Variants in KIAA1217 observed in about 807,000 individuals in gnomAD.
KIAA1217 encodes KIAA1217.
In KIAA1217, 88 loss-of-function variants were observed where a neutral mutation model predicts 163.9. That is an observed-to-expected ratio of 0.54 (90% CI 0.45 to 0.64). The LOEUF is 0.64. Among genes scored for constraint, KIAA1217 ranks in the 30% least tolerant of loss-of-function variants. The probability of loss-of-function intolerance (pLI) is 0.00; values close to 1 mark genes in which losing one functional copy is unlikely to be tolerated. For missense variants in KIAA1217, 2,372 were observed against 2,475.0 expected, an observed-to-expected ratio of 0.96 and a Z score of 0.88; for synonymous variants, 903 against 923.1, an observed-to-expected ratio of 0.98 and a Z score of 0.39.
chr10:24,110,365 A>T (rs1210797748), intron 2 of KIAA1217, among the ~76,000 whole-genome samples: 1 of 152,158 alleles, frequency 6.6e-6, no homozygotes, highest in Non-Finnish European at 1.5e-5. Flanking sequence ...AAAAATGCAG[A>T]TTCATTTTTC....
intron 6 of KIAA1217, among the ~76,000 whole-genome samples, chr10:24,475,773 T>C (rs1331009269): frequency 6.6e-6 from 1 of 152,162 alleles, no homozygotes; most frequent in Non-Finnish European, 1.5e-5. Context: ...CAATGTGACA[T>C]CTGGAGAGGA....
chr10:24,493,807 G>T (rs1447714275), intron 6 of KIAA1217, among the ~76,000 whole-genome samples: 2 of 152,078 alleles, frequency 1.3e-5, no homozygotes, highest in Non-Finnish European at 2.9e-5. Context: ...TCACTCTTTT[G>T]CCCAGTCTGT....
chr10:24,449,693 AG>A (rs1031192951), intron 5 of KIAA1217: 7 of 985,306 alleles, frequency 7.1e-6, no homozygotes, highest in Non-Finnish European at 8.4e-6. Flanking sequence ...CATTGGAGAG[AG>A]GGGTGGTTTC....
chr10:23,969,177 G>A (rs1342292509), intron 1 of KIAA1217, among the ~76,000 whole-genome samples: 1 of 152,138 alleles, frequency 6.6e-6, no homozygotes. Flanking sequence ...TGGGATTACA[G>A]GCACGCGCCA....
At chr10:23,727,434 C>T (rs991939139) in intron 1 of KIAA1217, among the ~76,000 whole-genome samples, 2 of 151,860 alleles carry the variant, frequency 1.3e-5, no homozygotes, top group African/African-American at 4.8e-5. Context: ...GTGGTGCACA[C>T]CTATAATCCC....
At chr10:24,106,036 ATGGGATTTTGTGCAGC>A (rs2062614672) in intron 2 of KIAA1217, among the ~76,000 whole-genome samples, 1 of 152,164 alleles carries the variant, frequency 6.6e-6, no homozygotes, top group Admixed American at 6.5e-5. Context: ...TTGTGATGGA[ATGGGATTTTGTGCAGC>A]TGGGATTTTG....
At chr10:24,104,717 T>G (rs1239831781) in intron 2 of KIAA1217, among the ~76,000 whole-genome samples, 1 of 152,200 alleles carries the variant, frequency 6.6e-6, no homozygotes, top group Non-Finnish European at 1.5e-5. Flanking sequence ...CCACTGTGAT[T>G]CAGATATTGA....
chr10:24,070,668 C>A (rs1285968760), intron 2 of KIAA1217, among the ~76,000 whole-genome samples: 1 of 152,114 alleles, frequency 6.6e-6, no homozygotes, highest in East Asian at 1.9e-4. Flanking sequence ...ATAGTTGTAA[C>A]CTATTTTCCC....
chr10:24,079,726 T>G (rs534443917), intron 2 of KIAA1217, among the ~76,000 whole-genome samples: 1 of 152,214 alleles, frequency 6.6e-6, no homozygotes, highest in South Asian at 2.1e-4. Context: ...TGTGATAACT[T>G]TTGGGATGAT....
chr10:24,338,993 A>G (rs2046734022), intron 2 of KIAA1217, among the ~76,000 whole-genome samples: 1 of 152,182 alleles, frequency 6.6e-6, no homozygotes, highest in South Asian at 2.1e-4. Context: ...TTATGCATGA[A>G]CTAGCAAGTT....
At chr10:24,397,108 C>CTTTTTT (rs34660362) in intron 3 of KIAA1217, among the ~76,000 whole-genome samples, 3 of 114,738 alleles carry the variant, frequency 2.6e-5, no homozygotes, top group Non-Finnish European at 3.5e-5. Flanking sequence ...GTAAGAAACT[C>CTTTTTT]TTTTTTTTTT....
chr10:24,188,149 A>G (rs2066532896), intron 2 of KIAA1217, among the ~76,000 whole-genome samples: 1 of 152,224 alleles, frequency 6.6e-6, no homozygotes, highest in South Asian at 2.1e-4. Flanking sequence ...GTGAGCCGAG[A>G]ACCCACCACT....
chr10:24,075,010 T>C (rs1049002872), intron 2 of KIAA1217, among the ~76,000 whole-genome samples: 1 of 151,998 alleles, frequency 6.6e-6, no homozygotes, highest in Non-Finnish European at 1.5e-5. Flanking sequence ...GGGATTCTTA[T>C]TTCATCTCAT....
chr10:24,046,857 A>G (rs931634395), intron 2 of KIAA1217, among the ~76,000 whole-genome samples: 1 of 152,090 alleles, frequency 6.6e-6, no homozygotes, highest in Admixed American at 6.5e-5. Flanking sequence ...TGCACATTTC[A>G]CCGTGATGCT....
chr10:23,963,422 A>G (rs1413972063), intron 1 of KIAA1217, among the ~76,000 whole-genome samples: 1 of 152,124 alleles, frequency 6.6e-6, no homozygotes, highest in Non-Finnish European at 1.5e-5. Flanking sequence ...AGCTTCATCC[A>G]TGTCCCTACA....
chr10:24,316,397 A>T (rs890250983), intron 2 of KIAA1217, among the ~76,000 whole-genome samples: 1 of 152,290 alleles, frequency 6.6e-6, no homozygotes, highest in East Asian at 1.9e-4. Context: ...GCCTGGACAA[A>T]CCAGGATGAG....
intron 2 of KIAA1217, among the ~76,000 whole-genome samples, chr10:24,266,659 TA>T (rs906167456): frequency 5.9e-5 from 9 of 152,108 alleles, no homozygotes; most frequent in African/African-American, 2.2e-4. Context: ...CAGCGCTCTG[TA>T]AAATGCACTA....
At chr10:23,729,876 A>G (rs559749176) in intron 1 of KIAA1217, among the ~76,000 whole-genome samples, 1 of 151,490 alleles carries the variant, frequency 6.6e-6, no homozygotes, top group Admixed American at 6.6e-5. Context: ...GCCCAAAGTC[A>G]TCTACATTTT....
intron 2 of KIAA1217, among the ~76,000 whole-genome samples, chr10:24,377,897 T>C (rs16924711): frequency 0.13 from 19,348 of 152,072 alleles, 1,380 homozygotes; most frequent in South Asian, 0.31. Flanking sequence ...TATCCCAAAC[T>C]AGTGCAAGAA....
Sources: gnomAD v4.1 joint callset for allele counts (sites outside exome capture counted in the v4.1 genomes callset) on GRCh38, gnomAD v4.1.1 for gene constraint, MANE v1.5 for transcripts, NCBI Gene and HGNC (gene_info 2026-07-23, HGNC 2026-07-21) for gene names.